The following GRAMD1B variants were observed in gnomAD, a reference collection of about 807,000 sequenced individuals.
The protein encoded by GRAMD1B is GRAM domain containing 1B.
A neutral mutation model predicts 99.7 loss-of-function variants in GRAMD1B; 37 were observed. The ratio of observed to expected loss-of-function variants is 0.37; its 90% confidence interval spans 0.29 to 0.49. GRAMD1B has a LOEUF of 0.49. GRAMD1B is among the 20% of genes least tolerant of loss of function. The pLI is 0.98. For missense variants in GRAMD1B, 888 were observed against 1,009.2 expected (o/e 0.88, Z 1.63); for synonymous variants, 427 against 387.6 (o/e 1.10, Z -1.19).
chr11:123,560,495 C>G lies in GRAMD1B; in HGVS notation c.453-16872C>G, dbSNP rs1331117320. 4.9e-6 allele frequency: 6 copies of G among 1,236,066 alleles called. No homozygotes were observed. In the South Asian group the frequency reaches 5.6e-5, roughly 11 times the overall value. 76.6% of individuals were successfully genotyped at this position (1,236,066 alleles called of 1,614,324 possible). The stretch of plus-strand genomic sequence containing the variant: ...GAGCCCTGGCCCGAGTCCCCTCCCC[C>G]GTTAGAAACAGGGCTTTGGGATGGT... On this transcript the variant is annotated intron_variant, in intron 2 of 19. Transcript: ENST00000635736.
chr11:123,593,188 C>A (rs901918043), intron 4 of GRAMD1B, among the ~76,000 whole-genome samples: 1 of 152,010 alleles, frequency 6.6e-6, no homozygotes, highest in African/African-American at 2.4e-5. Context: ...GCCGAGATCA[C>A]ACCACTGCAC....
At chr11:123,372,603 TC>T (rs147071881) in intron 1 of GRAMD1B, among the ~76,000 whole-genome samples, 1,662 of 152,272 alleles carry the variant, frequency 0.011, 31 homozygotes, top group African/African-American at 0.039. Context: ...ATTCTGGTTC[TC>T]CATTGGCCTT....
intron 2 of GRAMD1B, among the ~76,000 whole-genome samples, chr11:123,542,443 A>G (rs545087465): frequency 5.9e-5 from 9 of 152,322 alleles, no homozygotes; most frequent in African/African-American, 2.2e-4. Context: ...CAGGCCATGC[A>G]TAATGTACAT....
intron 2 of GRAMD1B, among the ~76,000 whole-genome samples, chr11:123,520,541 C>T (rs1334488151): frequency 6.6e-6 from 1 of 151,880 alleles, no homozygotes; most frequent in Admixed American, 6.6e-5. Flanking sequence ...GAGACCAAGG[C>T]GGGTGGATTG....
In GRAMD1B at chr11:123,623,669, G is replaced by T. The variant is rs755550751; in HGVS notation, c.*1074G>T. 1 of 152,248 alleles carries T rather than the reference G, an allele frequency of 6.6e-6. No homozygotes were observed. Among genetic ancestry groups the T allele is most frequent in the African/African-American group, 2.4e-5 (1 of 41,462 alleles). The allele number at this position is 152,248 out of a possible 1,614,324, so 9.4% of individuals were successfully genotyped here. A position where few individuals can be genotyped will look rare whatever the true frequency, so the allele number is the denominator to read the frequency against. ...CCAAGATGGGTTGCCAGCCTCATTT[G>T]CTCTTTGAACGAACCAACATTAGCC... On this transcript the variant is annotated 3_prime_UTR_variant, in exon 20 of 20. Transcript: ENST00000635736.
chr11:123,525,842 A>G (rs1591818129), intron 2 of GRAMD1B: 1 of 463,658 alleles, frequency 2.2e-6, no homozygotes, highest in Non-Finnish European at 3.9e-6. Context: ...AGCATTACCC[A>G]TCCTCATCAG....
chr11:123,455,331 C>G (rs183429245), intron 1 of GRAMD1B, among the ~76,000 whole-genome samples: 1 of 152,122 alleles, frequency 6.6e-6, no homozygotes, highest in East Asian at 1.9e-4. Context: ...GTCCTAGCAA[C>G]ATAGTAAGGA....
At chr11:123,484,191 G>C (rs1951763460) in intron 2 of GRAMD1B, among the ~76,000 whole-genome samples, 1 of 152,140 alleles carries the variant, frequency 6.6e-6, no homozygotes, top group Non-Finnish European at 1.5e-5. Context: ...TTCTGAGCGT[G>C]ATGTCTTTGC....
chr11:123,578,723 C>G (rs112084003), intron 3 of GRAMD1B, among the ~76,000 whole-genome samples: 1 of 152,198 alleles, frequency 6.6e-6, no homozygotes, highest in African/African-American at 2.4e-5. Context: ...TCCCTCCTTA[C>G]ATGGTGCGGT....
At chr11:123,449,714 CTTT>C (rs767104181) in intron 1 of GRAMD1B, among the ~76,000 whole-genome samples, 10 of 99,958 alleles carry the variant, frequency 1.0e-4, no homozygotes, top group Admixed American at 1.9e-4. Context: ...CCATGCCTGG[CTTT>C]TTTTTTTTTT....
intron 1 of GRAMD1B, among the ~76,000 whole-genome samples, chr11:123,442,498 G>A (rs11606180): frequency 0.16 from 23,813 of 152,156 alleles, 2,026 homozygotes; most frequent in African/African-American, 0.23. Flanking sequence ...GGCTGGGCGC[G>A]GTGGCTCATG....
At chr11:123,434,313 T>A (rs1949060783) in intron 1 of GRAMD1B, among the ~76,000 whole-genome samples, 1 of 151,010 alleles carries the variant, frequency 6.6e-6, no homozygotes, top group Non-Finnish European at 1.5e-5. Flanking sequence ...TGGATTCAAA[T>A]TCAAATTCGT....
chr11:123,596,264 A>C (rs77769134), intron 7 of GRAMD1B, among the ~76,000 whole-genome samples: 7 of 152,314 alleles, frequency 4.6e-5, no homozygotes, highest in African/African-American at 1.7e-4. Flanking sequence ...AGAATACCTG[A>C]ATTTGAGTCC....
intron 2 of GRAMD1B, among the ~76,000 whole-genome samples, chr11:123,485,049 A>G (rs1339995688): frequency 2.0e-5 from 3 of 152,272 alleles, no homozygotes; most frequent in African/African-American, 7.2e-5. Context: ...GCCTCCCTGC[A>G]GTCATCTTCT....
At position 123,405,647 on chromosome 11, in the gene GRAMD1B, A is replaced by G. The variant is rs554583503; in HGVS notation, c.-176+46848A>G. Among the ~76,000 whole-genome samples the G allele has an allele frequency of 1.1e-4, 16 of 152,238 alleles. 1 individual carries two copies. The South Asian group carries it at 3.3e-3, about 32-fold the overall frequency. Reference sequence around the variant, plus strand: ...GGAGATACGGCCTGTACCAAGTCAGAGAATTAGGAACTTTGGGCCAACAGG... The same window carrying G: ...GGAGATACGGCCTGTACCAAGTCAGGGAATTAGGAACTTTGGGCCAACAGG... On this transcript the variant is annotated intron_variant, in intron 1 of 20. Coordinates refer to the GRAMD1B transcript ENST00000638157.
At chr11:123,409,424 A>G (rs183307064) in intron 1 of GRAMD1B, among the ~76,000 whole-genome samples, 98 of 152,168 alleles carry the variant, frequency 6.4e-4, no homozygotes, top group Non-Finnish European at 1.1e-3. Context: ...ATCTCATCTG[A>G]TCTCTAAAAT....
intron 1 of GRAMD1B, among the ~76,000 whole-genome samples, chr11:123,408,241 C>A (rs747664085): frequency 1.3e-5 from 2 of 152,156 alleles, no homozygotes; most frequent in Admixed American, 1.3e-4. Context: ...CAGGACTCTA[C>A]GACTGTCACA....
At chr11:123,442,285 T>G (rs1240889846) in intron 1 of GRAMD1B, among the ~76,000 whole-genome samples, 2 of 152,170 alleles carry the variant, frequency 1.3e-5, no homozygotes, top group African/African-American at 4.8e-5. Flanking sequence ...GCATGTTGCA[T>G]CTGAGATCTA....
chr11:123,387,997 G>C (rs1386665888), intron 1 of GRAMD1B, among the ~76,000 whole-genome samples: 1 of 151,526 alleles, frequency 6.6e-6, no homozygotes, highest in Non-Finnish European at 1.5e-5. Context: ...GTGGTGGCAG[G>C]TGCCTGTAAT....
Sources: gnomAD v4.1 joint callset for allele counts (sites outside exome capture counted in the v4.1 genomes callset) on GRCh38, gnomAD v4.1.1 for gene constraint, MANE v1.5 for transcripts, NCBI Gene and HGNC (gene_info 2026-07-23, HGNC 2026-07-21) for gene names.